Variants in NELL1 observed in about 807,000 individuals in gnomAD.
NELL1 encodes neural EGFL like 1.
In NELL1, 76 loss-of-function variants were observed where a neutral mutation model predicts 107.4. The observed-to-expected ratio is 0.71, with a 90% CI of 0.59 to 0.86. NELL1 has a LOEUF of 0.86. NELL1 is among the 40% of genes least tolerant of loss of function. The probability of loss-of-function intolerance (pLI) is 0.00; values close to 1 mark genes in which losing one functional copy is unlikely to be tolerated. For missense variants in NELL1, 1,024 were observed against 1,005.5 expected (o/e 1.02, Z -0.25); for synonymous variants, 353 against 341.2 (o/e 1.03, Z -0.38).
chr11:21,097,244 T>G (rs902519000), intron 12 of NELL1, among the ~76,000 whole-genome samples: 5 of 152,144 alleles, frequency 3.3e-5, no homozygotes, highest in African/African-American at 4.8e-5. Flanking sequence ...GCTTTCAAAA[T>G]GACATTGTTG....
At chr11:20,754,767 T>A (rs997236057) in intron 2 of NELL1, among the ~76,000 whole-genome samples, 12 of 152,200 alleles carry the variant, frequency 7.9e-5, no homozygotes, top group African/African-American at 2.7e-4. Context: ...GTAATGGATA[T>A]AACACAAACA....
At chr11:21,358,565 AT>A (rs75578174) in intron 14 of NELL1, among the ~76,000 whole-genome samples, 6,248 of 97,664 alleles carry the variant, frequency 0.064, 177 homozygotes, top group Admixed American at 0.14. Flanking sequence ...TGCCCTGATA[AT>A]TTTTTTTTTT....
intron 17 of NELL1, 134 bp from the exon 18 acceptor site, chr11:21,570,630 C>T: frequency 1.5e-6 from 1 of 647,688 alleles, no homozygotes; most frequent in Non-Finnish European, 2.5e-6. Context: ...TGTGAACACA[C>T]ATGTGTGCTT....
intron 14 of NELL1, among the ~76,000 whole-genome samples, chr11:21,346,870 A>G (rs992016338): frequency 6.6e-6 from 1 of 152,148 alleles, no homozygotes; most frequent in African/African-American, 2.4e-5. Context: ...TTTACTATGT[A>G]GATGATCTTG....
At chr11:21,495,887 A>G (rs1854964619) in intron 15 of NELL1, among the ~76,000 whole-genome samples, 1 of 151,684 alleles carries the variant, frequency 6.6e-6, no homozygotes, top group African/African-American at 2.4e-5. Flanking sequence ...TACTATATTA[A>G]TATTTTATTT....
chr11:21,002,841 C>T (rs1852253120), intron 12 of NELL1, among the ~76,000 whole-genome samples: 1 of 152,150 alleles, frequency 6.6e-6, no homozygotes, highest in Admixed American at 6.6e-5. Context: ...ATTTCACTTG[C>T]AGTGAATTAT....
At chr11:21,521,021 C>G (rs1468521918) in intron 15 of NELL1, among the ~76,000 whole-genome samples, 1 of 152,220 alleles carries the variant, frequency 6.6e-6, no homozygotes, top group Non-Finnish European at 1.5e-5. Context: ...ATACCCTATT[C>G]TGGGGGTAGG....
chr11:20,990,275 T>C (rs7122648), intron 12 of NELL1, among the ~76,000 whole-genome samples: 58,460 of 151,894 alleles, frequency 0.38, 11,874 homozygotes, highest in East Asian at 0.6. Context: ...TCATATCTAA[T>C]CACTCCTCCT....
At chr11:21,124,218 A>C (rs1855436455) in intron 13 of NELL1, among the ~76,000 whole-genome samples, 1 of 152,248 alleles carries the variant, frequency 6.6e-6, no homozygotes, top group African/African-American at 2.4e-5. Context: ...TAGAAAGCAG[A>C]AAATGCTAGA....
chr11:20,842,479 A>G (rs1347471749), intron 3 of NELL1, among the ~76,000 whole-genome samples: 1 of 152,116 alleles, frequency 6.6e-6, no homozygotes, highest in Admixed American at 6.6e-5. Context: ...CAGTAGTCTG[A>G]CTTGGCAGCA....
intron 3 of NELL1, among the ~76,000 whole-genome samples, chr11:20,803,889 G>A (rs1857328822): frequency 6.6e-6 from 1 of 152,086 alleles, no homozygotes; most frequent in Non-Finnish European, 1.5e-5. Context: ...TGTGAAAAGA[G>A]AGACTGGCCT....
intron 12 of NELL1, among the ~76,000 whole-genome samples, chr11:21,109,346 G>A (rs541251860): frequency 2.8e-4 from 43 of 152,112 alleles, no homozygotes; most frequent in South Asian, 6.2e-4. Flanking sequence ...AAAATAGTTC[G>A]TCCTTCCAGT....
At chr11:21,174,105 G>A (rs1354585022) in intron 13 of NELL1, among the ~76,000 whole-genome samples, 1 of 151,742 alleles carries the variant, frequency 6.6e-6, no homozygotes. Context: ...AAGAGGAACT[G>A]GAGCCAATAT....
chr11:20,721,340 A>G (rs950476546), intron 2 of NELL1, among the ~76,000 whole-genome samples: 4 of 151,358 alleles, frequency 2.6e-5, no homozygotes, highest in Non-Finnish European at 5.9e-5. Context: ...TGTTGCAACA[A>G]CCCTCAAATC....
intron 2 of NELL1, 108 bp downstream of exon 2, chr11:20,678,168 C>A: frequency 7.8e-7 from 1 of 1,279,614 alleles, no homozygotes; most frequent in Non-Finnish European, 1.1e-6. Context: ...TGCTATTTCT[C>A]TTGTGTTGCT....
At chr11:21,383,165 G>A (rs1230160987) in intron 15 of NELL1, among the ~76,000 whole-genome samples, 1 of 151,964 alleles carries the variant, frequency 6.6e-6, no homozygotes, top group Non-Finnish European at 1.5e-5. Context: ...AGAAAAAGTA[G>A]TTCCTGAAAA....
chr11:21,089,042 C>G (rs1318478308), intron 12 of NELL1, among the ~76,000 whole-genome samples: 1 of 152,118 alleles, frequency 6.6e-6, no homozygotes, highest in African/African-American at 2.4e-5. Flanking sequence ...AGAAGTGAAG[C>G]CTCCCTACTG....
At chr11:20,847,150 T>C (rs998862886) in intron 3 of NELL1, among the ~76,000 whole-genome samples, 4 of 152,196 alleles carry the variant, frequency 2.6e-5, no homozygotes, top group African/African-American at 9.7e-5. Context: ...TGTATTTCAA[T>C]CCCTGATGTC....
chr11:20,870,294 CA>C (rs1031374756), intron 4 of NELL1, among the ~76,000 whole-genome samples: 5 of 152,294 alleles, frequency 3.3e-5, no homozygotes, highest in African/African-American at 1.2e-4. Context: ...TAGTTTTCTT[CA>C]AAACTTTGTC....
Sources: allele counts gnomAD v4.1 joint callset (sites outside exome capture counted in the v4.1 genomes callset), GRCh38; gene constraint gnomAD v4.1.1; transcripts MANE v1.5; gene names NCBI Gene and HGNC (gene_info 2026-07-23, HGNC 2026-07-21).